TEX12: variants seen among roughly 807,000 people sequenced by gnomAD.
The protein encoded by TEX12 is testis-expressed protein 12.
TEX12 carries 7 observed loss-of-function variants against 14.6 expected under a neutral mutation model. The ratio of observed to expected loss-of-function variants is 0.48; its 90% confidence interval spans 0.27 to 0.90. The LOEUF is 0.90. Ranked by LOEUF, TEX12 falls within the 40% of genes least tolerant of loss-of-function variation. The pLI is 0.12. For missense variants in TEX12, 121 were observed against 135.7 expected (o/e 0.89, Z 0.54); for synonymous variants, 57 against 49.1 (o/e 1.16, Z -0.67).
At chr11:112,167,684 A>C (rs1187109181) in intron 1 of TEX12, among the ~76,000 whole-genome samples, 197 bp downstream of exon 1, 1 of 152,164 alleles carries the variant, frequency 6.6e-6, no homozygotes, top group Non-Finnish European at 1.5e-5. Context: ...AGTAACAGCC[A>C]GGTCACTAAG....
At chr11:112,170,746 T>A in intron 4 of TEX12, 72 bp downstream of exon 4, 2 of 1,272,034 alleles carry the variant, frequency 1.6e-6, no homozygotes, top group Non-Finnish European at 2.2e-6. Flanking sequence ...TTGGGAAGTT[T>A]AATTCTGTGG....
rs890954032 is a variant in TEX12 at position 112,170,903 on chromosome 11, G to C, written c.227+229G>C. Among the ~76,000 whole-genome samples, 4 of 151,998 alleles carry C rather than the reference G, an allele frequency of 2.6e-5. No individual in the cohort carries two copies. In the East Asian group the frequency reaches 7.7e-4, roughly 29 times the overall value. On this transcript the variant is annotated intron_variant, in intron 4 of 4. Coordinates refer to ENST00000280358, the MANE Select transcript of TEX12 (RefSeq NM_031275.4). ...TTTTACTCTTGCCAAGCTAATACTA[G>C]ACTGTATATATCTTGGTCTGTAATT...
In TEX12 at chr11:112,170,405, TTTTGTCCTG is replaced by T. The variant is rs149903853; in HGVS notation, c.64-11_64-3del. On this transcript the variant is annotated splice_region_variant and splice_polypyrimidine_tract_variant and intron_variant, in intron 2 of 4. Coordinates refer to ENST00000280358, the MANE Select transcript of TEX12 (RefSeq NM_031275.4). ...TTATTGACTGTACCTGTTTTCTTTA[TTTTGTCCTG>T]TTAGTCTCCAGTGCCAGATAGTCCA... 575,416 of 1,559,730 alleles carry T rather than the reference TTTTGTCCTG, an allele frequency of 0.37. 108,457 individuals carry two copies. The highest frequency in any genetic ancestry group is 0.58 in the South Asian group (50,586 of 86,494).
At chr11:112,169,470 A>G (rs1866766193) in intron 2 of TEX12, 139 bp downstream of exon 2, 2 of 646,744 alleles carry the variant, frequency 3.1e-6, no homozygotes, top group Non-Finnish European at 2.7e-6. Flanking sequence ...CCTACAACAT[A>G]GGAGGAACTA....
At chr11:112,170,936 A>C (rs1015450842) in intron 4 of TEX12, among the ~76,000 whole-genome samples, 2 of 152,124 alleles carry the variant, frequency 1.3e-5, no homozygotes, top group South Asian at 4.1e-4. Flanking sequence ...ATTAGATGAC[A>C]TTACATTTTA....
chr11:112,171,458 G>T (rs1866789195), intron 4 of TEX12, among the ~76,000 whole-genome samples: 1 of 151,512 alleles, frequency 6.6e-6, no homozygotes, highest in Admixed American at 6.6e-5. Flanking sequence ...TTTATGAAGT[G>T]TTTTTTTTAC....
At chr11:112,170,018 A>G (rs899320508) in intron 2 of TEX12, among the ~76,000 whole-genome samples, 1 of 152,198 alleles carries the variant, frequency 6.6e-6, no homozygotes, top group South Asian at 2.1e-4. Flanking sequence ...AAACAAAACA[A>G]AACAAAACAA....
Position 112,172,307 on chromosome 11 carries a change from A to G in TEX12, c.*391A>G, listed in dbSNP as rs1277254420. On this transcript the variant is annotated 3_prime_UTR_variant, in exon 5 of 5. Transcript: ENST00000280358. ...TGTTTAATAATATTATACTTTTAGA[A>G]TATTTTGTTTAAATATCAGATAGTT... 1 of 151,980 alleles carries G rather than the reference A, an allele frequency of 6.6e-6. No individual in the cohort carries two copies. Among genetic ancestry groups the G allele is most frequent in the Non-Finnish European group, 1.5e-5 (1 of 67,914 alleles). 9.4% of individuals were successfully genotyped at this position (151,980 alleles called of 1,614,324 possible).
At position 112,172,405 on chromosome 11, in the gene TEX12, C is replaced by T. The variant is rs1300114067; in HGVS notation, c.*489C>T. 2 of 151,880 alleles carry T rather than the reference C, an allele frequency of 1.3e-5. No homozygotes were observed. Among genetic ancestry groups the T allele is most frequent in the African/African-American group, 4.8e-5 (2 of 41,386 alleles). The allele number at this position is 151,880 out of a possible 1,614,324, so 9.4% of individuals were successfully genotyped here. On this transcript the variant is annotated 3_prime_UTR_variant, in exon 5 of 5. Coordinates refer to ENST00000280358, the MANE Select transcript of TEX12 (RefSeq NM_031275.4). ...GATTAAAACCTTAGAGGTGATTTTT[C>T]CAGTTTCTTAGAATATAATGACATA...
At chr11:112,167,669 T>G (rs1866743064) in intron 1 of TEX12, among the ~76,000 whole-genome samples, 182 bp downstream of exon 1, 1 of 152,058 alleles carries the variant, frequency 6.6e-6, no homozygotes, top group Admixed American at 6.6e-5. Context: ...GAGGGGACAG[T>G]GCTTAGTAAC....
chr11:112,170,970 A>G (rs988014516), intron 4 of TEX12, among the ~76,000 whole-genome samples: 3 of 152,088 alleles, frequency 2.0e-5, no homozygotes, highest in African/African-American at 7.2e-5. Context: ...TACCTCTTTG[A>G]GAAAAATGTT....
intron 2 of TEX12, among the ~76,000 whole-genome samples, chr11:112,169,897 G>A (rs1048104474): frequency 6.6e-6 from 1 of 152,188 alleles, no homozygotes; most frequent in African/African-American, 2.4e-5. Context: ...AAGGCTGGGC[G>A]CATTGGCTCA....
intron 2 of TEX12, among the ~76,000 whole-genome samples, chr11:112,169,911 C>G (rs2135334483): frequency 6.6e-6 from 1 of 152,346 alleles, no homozygotes; most frequent in East Asian, 1.9e-4. Flanking sequence ...TGGCTCATGT[C>G]TGTAATCCTA....
intron 1 of TEX12, among the ~76,000 whole-genome samples, chr11:112,168,642 C>T (rs1866754130): frequency 6.6e-6 from 1 of 152,042 alleles, no homozygotes; most frequent in African/African-American, 2.4e-5. Context: ...ACCTCCCTCT[C>T]CTGGGTTCAA....
Position 112,169,140 on chromosome 11 carries a change from A to C in TEX12, c.-16-113A>C, listed in dbSNP as rs138465134. On this transcript the variant is annotated intron_variant, in intron 1 of 4. Coordinates refer to ENST00000280358, the MANE Select transcript of TEX12 (RefSeq NM_031275.4). ...GAAATTGAGTTTAGGAAAGTGACAG[A>C]TAATGACAGTCTAAATTAACATCAG... 440 of 719,068 alleles carry C rather than the reference A, an allele frequency of 6.1e-4. 2 individuals are homozygous for C. The African/African-American group carries it at 7.3e-3, about 12-fold the overall frequency. The allele number at this position is 719,068 out of a possible 1,614,324, so 44.5% of individuals were successfully genotyped here. A position where few individuals can be genotyped will look rare whatever the true frequency, so the allele number is the denominator to read the frequency against.
chr11:112,170,581 G>T, intron 3 of TEX12, 42 bp from the exon 4 acceptor site: 7 of 1,591,724 alleles, frequency 4.4e-6, no homozygotes, highest in Non-Finnish European at 5.2e-6. Flanking sequence ...TAATGCAGAA[G>T]GTTTGTTATA....
chr11:112,168,615 A>C (rs1192483386), intron 1 of TEX12, among the ~76,000 whole-genome samples: 1 of 151,836 alleles, frequency 6.6e-6, no homozygotes, highest in Non-Finnish European at 1.5e-5. Flanking sequence ...GCAATGGCAC[A>C]ATCTCGGCTC....
At position 112,172,046 on chromosome 11, in the gene TEX12, T is replaced by C. The variant is rs1000987659; in HGVS notation, c.*130T>C. ...CTCGAATAGAGAAGGGGAAACTCCT[T>C]GAATTTCTAGGTTTAAAAAGGAACT... On this transcript the variant is annotated 3_prime_UTR_variant, in exon 5 of 5. Coordinates refer to ENST00000280358, the MANE Select transcript of TEX12 (RefSeq NM_031275.4). The C allele has an allele frequency of 1.5e-6, 1 of 650,892 alleles. No homozygotes were observed. The allele number at this position is 650,892 out of a possible 1,614,324, so 40.3% of individuals were successfully genotyped here.
chr11:112,170,503 G>T lies in TEX12; in HGVS notation c.148G>T (p.Asp50Tyr), dbSNP rs1455601302. ...FSEISGLFYK[D>Y]EALEKDLNDV... ...TGAAATTTCCGGACTATTTTATAAAGATGAAGCCTTGGAGAAAGATTTAAA... is the reference window on the plus strand; with the variant it reads ...TGAAATTTCCGGACTATTTTATAAATATGAAGCCTTGGAGAAAGATTTAAA... Residue 50 changes from aspartate to tyrosine, a missense_variant, in exon 3 of 5, where the codon GAT (aspartate) becomes TAT (tyrosine). Physicochemically the swap from Asp to Tyr is radical, Grantham distance 160. Coordinates refer to ENST00000280358, the MANE Select transcript of TEX12 (RefSeq NM_031275.4). The T allele has an allele frequency of 6.2e-7, 1 of 1,612,948 alleles. No individual in the cohort carries two copies. The highest frequency in any genetic ancestry group is 2.2e-5 in the East Asian group (1 of 44,798).
Sources: allele counts gnomAD v4.1 joint callset (sites outside exome capture counted in the v4.1 genomes callset), GRCh38; gene constraint gnomAD v4.1.1; transcripts MANE v1.5; gene names NCBI Gene and HGNC (gene_info 2026-07-23, HGNC 2026-07-21).